Variants in ELP3 observed in about 807,000 individuals in gnomAD.
ELP3 encodes the protein elongator complex protein 3.
ELP3 carries 56 observed loss-of-function variants against 74.9 expected under a neutral mutation model. The ratio of observed to expected loss-of-function variants is 0.75; its 90% CI spans 0.60 to 0.93. The LOEUF (loss-of-function observed/expected upper bound fraction) is 0.93. ELP3 is among the 40% of genes least tolerant of loss of function. The pLI, the probability that ELP3 is intolerant of heterozygous loss-of-function variation, is 0.00. For synonymous variants in ELP3, 222 were observed against 239.8 expected, an observed-to-expected ratio of 0.93 and a Z score of 0.68; for missense variants, 573 against 686.5, an observed-to-expected ratio of 0.83 and a Z score of 1.85.
intron 14 of ELP3, among the ~76,000 whole-genome samples, chr8:28,174,963 G>C (rs1274226033): frequency 6.6e-6 from 1 of 152,150 alleles, no homozygotes; most frequent in African/African-American, 2.4e-5. Flanking sequence ...CACTTTAAAT[G>C]TGCCATCCCA....
chr8:28,134,503 A>G (rs1473371414), intron 9 of ELP3, among the ~76,000 whole-genome samples: 1 of 152,236 alleles, frequency 6.6e-6, no homozygotes, highest in Non-Finnish European at 1.5e-5. Context: ...AGTTCTTTCT[A>G]GAGAAGAATT....
chr8:28,149,150 A>G (rs1281078975), intron 10 of ELP3, among the ~76,000 whole-genome samples: 1 of 152,230 alleles, frequency 6.6e-6, no homozygotes, highest in Non-Finnish European at 1.5e-5. Flanking sequence ...TTCATAATCT[A>G]AACAGTTCAT....
At chr8:28,157,289 CAAAAAA>C (rs35938340) in intron 11 of ELP3, among the ~76,000 whole-genome samples, 8 of 106,762 alleles carry the variant, frequency 7.5e-5, no homozygotes, top group African/African-American at 2.7e-4. Context: ...AAAAGCATGC[CAAAAAA>C]AAAAAAAAAA....
chr8:28,099,271 AT>A lies in ELP3; in HGVS notation c.120-547del, dbSNP rs891644732. On this transcript the variant is annotated intron_variant, in intron 2 of 14. Transcript: ENST00000256398. Reference sequence around the variant, plus strand: ...ATTTGGTTCTGCATAGCCATCCTTGATTTTTTTTTTAATTGTTGTTGTTGTT... The same window carrying A: ...ATTTGGTTCTGCATAGCCATCCTTGATTTTTTTTTAATTGTTGTTGTTGTT... Among the ~76,000 whole-genome samples, 934 of 150,572 alleles carry A rather than the reference AT, an allele frequency of 6.2e-3. 10 individuals are homozygous for A. The highest frequency in any genetic ancestry group is 0.022 in the African/African-American group (884 of 41,062).
intron 7 of ELP3, chr8:28,118,826 T>G (rs940656752): frequency 6.6e-6 from 1 of 152,234 alleles, no homozygotes; most frequent in African/African-American, 2.4e-5. Context: ...GAGTGAGTCA[T>G]ACTTTCTCCC....
At chr8:28,167,788 TC>T (rs1478814578) in intron 14 of ELP3, among the ~76,000 whole-genome samples, 1 of 152,230 alleles carries the variant, frequency 6.6e-6, no homozygotes, top group Non-Finnish European at 1.5e-5. Flanking sequence ...ATTCCTCTGT[TC>T]CATTTTGGTA....
intron 14 of ELP3, among the ~76,000 whole-genome samples, chr8:28,178,140 A>G (rs1288337622): frequency 3.9e-5 from 6 of 152,368 alleles, no homozygotes; most frequent in Middle Eastern, 3.4e-3. Flanking sequence ...TCAGGCTGCT[A>G]TAACAAAACT....
chr8:28,186,121 T>C (rs1393356430), intron 14 of ELP3, among the ~76,000 whole-genome samples: 1 of 152,124 alleles, frequency 6.6e-6, no homozygotes. Flanking sequence ...ATGTGGTATC[T>C]ACAGGAGTCA....
chr8:28,188,651 A>G (rs1020052182), intron 14 of ELP3, among the ~76,000 whole-genome samples: 1 of 151,918 alleles, frequency 6.6e-6, no homozygotes, highest in Non-Finnish European at 1.5e-5. Context: ...TGTGCTCGGG[A>G]CCCTCCCAGA....
chr8:28,146,632 T>C (rs1330388930), intron 10 of ELP3, among the ~76,000 whole-genome samples: 6 of 152,192 alleles, frequency 3.9e-5, no homozygotes, highest in Non-Finnish European at 8.8e-5. Context: ...GGTTTTCAAC[T>C]CCTAGAAGAC....
At chr8:28,181,729 G>C (rs920192290) in intron 14 of ELP3, among the ~76,000 whole-genome samples, 1 of 152,228 alleles carries the variant, frequency 6.6e-6, no homozygotes, top group Non-Finnish European at 1.5e-5. Context: ...CATTAGAAAC[G>C]CTCTGGGCCA....
chr8:28,114,655 A>G (rs1812053589), intron 7 of ELP3, among the ~76,000 whole-genome samples: 2 of 152,156 alleles, frequency 1.3e-5, no homozygotes, highest in South Asian at 4.1e-4. Context: ...CACACCTCCA[A>G]TATTGGGGAT....
At chr8:28,170,385 C>T (rs1362887611) in intron 14 of ELP3, among the ~76,000 whole-genome samples, 1 of 152,158 alleles carries the variant, frequency 6.6e-6, no homozygotes, top group Non-Finnish European at 1.5e-5. Context: ...TTCATATAGT[C>T]AAGCATGGCA....
chr8:28,098,871 A>G (rs1811359455), intron 2 of ELP3, among the ~76,000 whole-genome samples: 1 of 152,214 alleles, frequency 6.6e-6, no homozygotes, highest in Non-Finnish European at 1.5e-5. Flanking sequence ...ATTTCCATGA[A>G]TATCTCCCCA....
At chr8:28,106,687 C>T in intron 3 of ELP3, 26 bp from the exon 4 acceptor site, 1 of 1,596,852 alleles carries the variant, frequency 6.3e-7, no homozygotes, top group Non-Finnish European at 8.6e-7. Context: ...CCTATAATAG[C>T]TTTTTTATTC....
chr8:28,169,799 C>T (rs1388391967), intron 14 of ELP3, among the ~76,000 whole-genome samples: 2 of 152,178 alleles, frequency 1.3e-5, no homozygotes, highest in African/African-American at 4.8e-5. Flanking sequence ...TCTCAAGAGT[C>T]CATTGGAGCT....
At chr8:28,120,130 A>G (rs573837625) in intron 7 of ELP3, among the ~76,000 whole-genome samples, 1 of 152,206 alleles carries the variant, frequency 6.6e-6, no homozygotes, top group East Asian at 1.9e-4. Flanking sequence ...TAGAATTGCT[A>G]TGTAAGTTTA....
rs141803693 is a variant in ELP3, at chr8:28,108,700, G to A, written c.393+724G>A. 9.2e-3 allele frequency among the ~76,000 whole-genome samples: 1,400 copies of A among 152,182 alleles called. 20 individuals carry two copies. The highest frequency in any genetic ancestry group is 0.032 in the African/African-American group (1,313 of 41,542). ...TCGAACTGCTGACCTTAAGTGATCC[G>A]CCTGCCTTGGCTTCCCAAAATGTTG... On this transcript the variant is annotated intron_variant, in intron 5 of 14. Transcript: ENST00000256398.
chr8:28,157,926 T>C (rs748581639), intron 11 of ELP3, among the ~76,000 whole-genome samples: 22 of 152,060 alleles, frequency 1.4e-4, no homozygotes, highest in Non-Finnish European at 3.1e-4. Flanking sequence ...CCATTTGTGA[T>C]TGTGCTTCAA....
Sources: allele counts gnomAD v4.1 joint callset (sites outside exome capture counted in the v4.1 genomes callset), GRCh38; gene constraint gnomAD v4.1.1; transcripts MANE v1.5; gene names NCBI Gene and HGNC (gene_info 2026-07-23, HGNC 2026-07-21).